The following ARMH3 variants were observed in gnomAD, a reference collection of about 807,000 sequenced individuals.
ARMH3 encodes armadillo like helical domain containing 3.
In ARMH3, 60 loss-of-function variants were observed where a neutral mutation model predicts 99.1. That is an observed-to-expected ratio of 0.61 (90% CI 0.49 to 0.75). The LOEUF is 0.75. Among genes scored for constraint, ARMH3 ranks in the 30% least tolerant of loss-of-function variants. ARMH3 has a pLI of 0.00. For missense variants in ARMH3, 679 were observed against 843.1 expected (o/e 0.81, Z 2.41); for synonymous variants, 285 against 292.8 (o/e 0.97, Z 0.27).
intron 25 of ARMH3, among the ~76,000 whole-genome samples, chr10:101,848,983 T>C (rs116710171): frequency 6.6e-6 from 1 of 152,214 alleles, no homozygotes; most frequent in Non-Finnish European, 1.5e-5. Context: ...AGTTGGGCTG[T>C]GTTTAGCACA....
intron 8 of ARMH3, among the ~76,000 whole-genome samples, chr10:102,017,396 G>T (rs1182595653): frequency 6.6e-6 from 1 of 152,162 alleles, no homozygotes; most frequent in Non-Finnish European, 1.5e-5. Flanking sequence ...CCAGAAATAT[G>T]ATTCTCTCCA....
At chr10:101,970,942 T>G (rs1160203766) in intron 20 of ARMH3, among the ~76,000 whole-genome samples, 1 of 151,172 alleles carries the variant, frequency 6.6e-6, no homozygotes, top group Non-Finnish European at 1.5e-5. Context: ...TAAAAACATA[T>G]GAAATTAGCT....
intron 22 of ARMH3, among the ~76,000 whole-genome samples, chr10:101,943,586 C>T (rs1483342490): frequency 2.6e-5 from 4 of 152,012 alleles, no homozygotes; most frequent in Non-Finnish European, 5.9e-5. Flanking sequence ...ATCCAGCATC[C>T]ACATCATAAA....
chr10:102,048,419 A>C (rs1374819156), intron 1 of ARMH3, among the ~76,000 whole-genome samples: 1 of 152,126 alleles, frequency 6.6e-6, no homozygotes, highest in Admixed American at 6.6e-5. Flanking sequence ...CAAAGGAGGC[A>C]ACACGTTTTT....
intron 5 of ARMH3, 197 bp downstream of exon 5, chr10:102,029,441 A>G (rs747449552): frequency 3.2e-6 from 5 of 1,542,908 alleles, no homozygotes; most frequent in Non-Finnish European, 4.4e-6. Context: ...GAATACCTCC[A>G]TTCAAATTTG....
At chr10:102,002,348 T>C (rs2066379971) in intron 14 of ARMH3, among the ~76,000 whole-genome samples, 1 of 152,100 alleles carries the variant, frequency 6.6e-6, no homozygotes, top group African/African-American at 2.4e-5. Flanking sequence ...GGGAAGGGTA[T>C]GTTGATTCCA....
chr10:101,914,584 G>T (rs1483024683), intron 23 of ARMH3, among the ~76,000 whole-genome samples: 1 of 151,054 alleles, frequency 6.6e-6, no homozygotes, highest in Non-Finnish European at 1.5e-5. Context: ...ACTTAAAATG[G>T]GCTGGGTGCG....
intron 24 of ARMH3, among the ~76,000 whole-genome samples, chr10:101,882,538 C>T (rs911629895): frequency 3.9e-5 from 6 of 152,198 alleles, no homozygotes; most frequent in African/African-American, 9.6e-5. Flanking sequence ...CTTGCTCTGT[C>T]GCCCAGGCTG....
At chr10:101,976,325 G>T (rs1284545417) in intron 19 of ARMH3, among the ~76,000 whole-genome samples, 1 of 150,172 alleles carries the variant, frequency 6.7e-6, no homozygotes, top group African/African-American at 2.5e-5. Context: ...GAGCGAAAGG[G>T]CAAGACTGTC....
intron 23 of ARMH3, among the ~76,000 whole-genome samples, chr10:101,898,652 G>C (rs1385315790): frequency 6.6e-6 from 1 of 152,228 alleles, no homozygotes; most frequent in African/African-American, 2.4e-5. Flanking sequence ...CAAGGAAGGA[G>C]GAAACATAAC....
chr10:101,889,537 GA>G (rs2067637064), intron 23 of ARMH3, 47 bp from the exon 24 acceptor site: 2 of 1,502,160 alleles, frequency 1.3e-6, no homozygotes, highest in Non-Finnish European at 1.9e-6. Context: ...AGAAGAGGTG[GA>G]TACATCTGTT....
chr10:101,917,428 G>C (rs186306741), intron 23 of ARMH3, among the ~76,000 whole-genome samples: 1 of 152,208 alleles, frequency 6.6e-6, no homozygotes. Context: ...GCATGTATCA[G>C]TAGTTCATTC....
At chr10:101,946,529 A>G (rs890676467) in intron 22 of ARMH3, among the ~76,000 whole-genome samples, 13 of 152,328 alleles carry the variant, frequency 8.5e-5, no homozygotes, top group African/African-American at 3.1e-4. Context: ...TATGTGAAAT[A>G]AAGAATTCAC....
chr10:101,920,512 G>C (rs1046002419), intron 23 of ARMH3, among the ~76,000 whole-genome samples: 5 of 152,090 alleles, frequency 3.3e-5, no homozygotes, highest in African/African-American at 1.2e-4. Flanking sequence ...GGCCAGCGAG[G>C]GGACAAGCAC....
intron 24 of ARMH3, among the ~76,000 whole-genome samples, chr10:101,865,147 C>G: frequency 6.7e-6 from 1 of 149,648 alleles, no homozygotes; most frequent in South Asian, 2.1e-4. Context: ...ACCCGGGAGG[C>G]AGAGCTTGCA....
chr10:101,915,378 A>G (rs1042128770), intron 23 of ARMH3, among the ~76,000 whole-genome samples: 2 of 152,208 alleles, frequency 1.3e-5, no homozygotes, highest in African/African-American at 4.8e-5. Context: ...ATGGCTACAC[A>G]TCTGCTCAGA....
At chr10:102,053,518 A>G (rs1040753038) in intron 1 of ARMH3, among the ~76,000 whole-genome samples, 25 of 151,946 alleles carry the variant, frequency 1.6e-4, no homozygotes, top group Admixed American at 3.9e-4. Flanking sequence ...TACAGGTATA[A>G]GCCACCAGGC....
chr10:101,909,279 C>T (rs1393714111), intron 23 of ARMH3, among the ~76,000 whole-genome samples: 1 of 151,654 alleles, frequency 6.6e-6, no homozygotes, highest in African/African-American at 2.4e-5. Flanking sequence ...TGGTGGCGCA[C>T]GCCTGTAATC....
At chr10:101,878,823 T>C (rs1297636332) in intron 24 of ARMH3, among the ~76,000 whole-genome samples, 1 of 151,214 alleles carries the variant, frequency 6.6e-6, no homozygotes, top group Non-Finnish European at 1.5e-5. Context: ...CAAGACCTTG[T>C]CTCTAAAAAT....
Sources: allele counts gnomAD v4.1 joint callset (sites outside exome capture counted in the v4.1 genomes callset), GRCh38; gene constraint gnomAD v4.1.1; transcripts MANE v1.5; gene names NCBI Gene and HGNC (gene_info 2026-07-23, HGNC 2026-07-21).